The following INSL6 variants were observed in gnomAD, a reference collection of about 807,000 sequenced individuals.
The protein encoded by INSL6 is insulin-like peptide INSL6.
INSL6 carries 16 observed loss-of-function variants against 9.4 expected under a neutral mutation model. The observed-to-expected ratio is 1.70, with a 90% CI of 1.15 to 2.59. The LOEUF (loss-of-function observed/expected upper bound fraction) is 2.59, where lower values mean the gene tolerates loss of function less well. Ranked by LOEUF, INSL6 falls within the 30% of genes most tolerant of loss-of-function variation. INSL6 has a pLI of 0.00. For synonymous variants in INSL6, 154 were observed against 96.9 expected, an observed-to-expected ratio of 1.59 and a Z score of -3.46; for missense variants, 391 against 257.3, an observed-to-expected ratio of 1.52 and a Z score of -3.56.
the INSL6 span, among the ~76,000 whole-genome samples, chr9:4,996,484 A>G: frequency 1.3e-5 from 2 of 152,022 alleles, no homozygotes; most frequent in Non-Finnish European, 2.9e-5. Context: ...AAATAAATAC[A>G]TAAATAGAAG....
the INSL6 span, chr9:5,090,351 A>G: frequency 1.1e-6 from 1 of 902,398 alleles, no homozygotes; most frequent in East Asian, 3.0e-5. Flanking sequence ...CTTAGATTTC[A>G]TATATGTTTA....
chr9:5,077,611 A>G, the INSL6 span: 9 of 1,378,756 alleles, frequency 6.5e-6, no homozygotes, highest in South Asian at 1.1e-4. Context: ...ATCAAAAGAT[A>G]CTATTTTATT....
chr9:5,069,307 A>C, the INSL6 span: 2 of 724,566 alleles, frequency 2.8e-6, no homozygotes, highest in Non-Finnish European at 2.2e-6. Flanking sequence ...TATATGAAAG[A>C]AGCAGCTCTA....
intron 2 of INSL6, among the ~76,000 whole-genome samples, chr9:5,137,904 A>T (rs749686895): frequency 6.6e-6 from 1 of 151,618 alleles, no homozygotes; most frequent in African/African-American, 2.4e-5. Flanking sequence ...AAAAAAACCC[A>T]TAAAAAAGTA....
At chr9:5,080,679 T>C in the INSL6 span, 2 of 1,570,352 alleles carry the variant, frequency 1.3e-6, no homozygotes, top group Non-Finnish European at 1.7e-6. Flanking sequence ...GTTTGTTTAC[T>C]CCAGGTATGT....
the INSL6 span, among the ~76,000 whole-genome samples, chr9:4,995,897 G>A: frequency 2.0e-5 from 3 of 151,716 alleles, no homozygotes; most frequent in Non-Finnish European, 4.4e-5. Flanking sequence ...TGTACTTACT[G>A]AATGGGCATT....
chr9:5,013,874 T>C, the INSL6 span, among the ~76,000 whole-genome samples: 1 of 152,176 alleles, frequency 6.6e-6, no homozygotes, highest in East Asian at 1.9e-4. Context: ...TAAGTAATTT[T>C]ATTATACAAG....
At chr9:5,013,194 AATAACTT>A in the INSL6 span, among the ~76,000 whole-genome samples, 1 of 152,080 alleles carries the variant, frequency 6.6e-6, no homozygotes, top group Non-Finnish European at 1.5e-5. Context: ...CTTTTTTTCT[AATAACTT>A]ATATCTTCTT....
the INSL6 span, among the ~76,000 whole-genome samples, chr9:5,010,760 C>T: frequency 6.6e-6 from 1 of 152,118 alleles, no homozygotes; most frequent in Non-Finnish European, 1.5e-5. Flanking sequence ...ACATGATTTT[C>T]TTTATCAGTT....
the INSL6 span, chr9:5,085,966 CACT>C: frequency 5.5e-6 from 6 of 1,098,802 alleles, no homozygotes; most frequent in Admixed American, 6.8e-5. Flanking sequence ...TATTTCTCAC[CACT>C]GTGTGTTTTG....
chr9:5,050,697 T>C, the INSL6 span: 3 of 1,612,192 alleles, frequency 1.9e-6, no homozygotes, highest in South Asian at 3.3e-5. Flanking sequence ...GGCGGCATGA[T>C]TTTGTGCACG....
At chr9:5,135,714 T>G (rs1824376448) in intron 2 of INSL6, among the ~76,000 whole-genome samples, 1 of 151,538 alleles carries the variant, frequency 6.6e-6, no homozygotes, top group Non-Finnish European at 1.5e-5. Flanking sequence ...TTAAAAGAAC[T>G]AGAGAAACAA....
the INSL6 span, among the ~76,000 whole-genome samples, chr9:5,057,756 T>TATC: frequency 1.3e-5 from 2 of 152,004 alleles, no homozygotes; most frequent in East Asian, 3.9e-4. Flanking sequence ...TAATTTTTTG[T>TATC]ATCTTTAGTA....
At chr9:5,016,867 G>A in the INSL6 span, among the ~76,000 whole-genome samples, 3 of 152,162 alleles carry the variant, frequency 2.0e-5, no homozygotes, top group Admixed American at 6.5e-5. Flanking sequence ...GAACAGTTCT[G>A]CTAAAATAAT....
the INSL6 span, chr9:5,077,376 G>T: frequency 2.0e-6 from 1 of 501,886 alleles, no homozygotes; most frequent in Non-Finnish European, 3.0e-6. Context: ...TCACATGTAA[G>T]TATAAAGATT....
the INSL6 span, among the ~76,000 whole-genome samples, chr9:5,077,964 C>T: frequency 6.6e-6 from 1 of 152,262 alleles, no homozygotes; most frequent in East Asian, 1.9e-4. Flanking sequence ...AGTCATCAGA[C>T]CCCTCAGGGT....
the INSL6 span, among the ~76,000 whole-genome samples, chr9:5,068,152 C>T: frequency 2.6e-4 from 35 of 134,276 alleles, no homozygotes; most frequent in African/African-American, 9.1e-4. Flanking sequence ...GAGCGAGACA[C>T]GGTCTCAAAA....
intron 2 of INSL6, among the ~76,000 whole-genome samples, chr9:5,139,634 T>C (rs1020474650): frequency 6.6e-6 from 1 of 152,144 alleles, no homozygotes; most frequent in Non-Finnish European, 1.5e-5. Flanking sequence ...ACTGGAGTGG[T>C]AGAAGAGAAT....
chr9:5,000,943 C>G, the INSL6 span, among the ~76,000 whole-genome samples: 1 of 152,072 alleles, frequency 6.6e-6, no homozygotes. Flanking sequence ...AAGGACTGCC[C>G]CTTCCAGGGT....
Sources: allele counts gnomAD v4.1 joint callset (sites outside exome capture counted in the v4.1 genomes callset), GRCh38; gene constraint gnomAD v4.1.1; transcripts MANE v1.5; gene names NCBI Gene and HGNC (gene_info 2026-07-23, HGNC 2026-07-21).